AAGAB: variants seen among roughly 807,000 people sequenced by gnomAD.
AAGAB encodes alpha- and gamma-adaptin-binding protein p34.
In AAGAB, 38 loss-of-function variants were observed where a neutral mutation model predicts 44.1. The ratio of observed to expected loss-of-function variants is 0.86; its 90% CI spans 0.67 to 1.13. The LOEUF (loss-of-function observed/expected upper bound fraction) is 1.13, where lower values mean the gene tolerates loss of function less well. Among genes scored for constraint, AAGAB ranks in the 50% most tolerant of loss-of-function variants. The pLI is 0.00. For missense variants in AAGAB, 450 were observed against 373.8 expected, an observed-to-expected ratio of 1.20 and a Z score of -1.68; for synonymous variants, 131 against 131.8, an observed-to-expected ratio of 0.99 and a Z score of 0.04.
chr15:67,254,473 A>G, intron 1 of AAGAB, 86 bp downstream of exon 1: 4 of 1,487,684 alleles, frequency 2.7e-6, no homozygotes, highest in Non-Finnish European at 3.6e-6. Context: ...CTGCGGGGAC[A>G]AGGCCCAGAG....
intron 5 of AAGAB, among the ~76,000 whole-genome samples, chr15:67,225,784 A>G (rs557864878): frequency 2.6e-5 from 4 of 152,298 alleles, no homozygotes. Flanking sequence ...TTTTGTTTTC[A>G]GCAGTTTTTC....
chr15:67,229,033 T>G (rs1245723067), intron 5 of AAGAB, among the ~76,000 whole-genome samples: 4 of 152,200 alleles, frequency 2.6e-5, no homozygotes, highest in Non-Finnish European at 2.9e-5. Context: ...TCAGGTACTA[T>G]GCTCACTACC....
At chr15:67,208,910 T>A (rs920650456) in intron 6 of AAGAB, among the ~76,000 whole-genome samples, 1 of 152,258 alleles carries the variant, frequency 6.6e-6, no homozygotes, top group African/African-American at 2.4e-5. Context: ...GTTTTTTGTT[T>A]GTCTCATTTA....
At chr15:67,236,130 C>T (rs1964457961) in intron 3 of AAGAB, 62 bp from the exon 4 acceptor site, 2 of 1,251,276 alleles carry the variant, frequency 1.6e-6, no homozygotes, top group Non-Finnish European at 2.3e-6. Flanking sequence ...ACTATTCCTG[C>T]AATATTCTTC....
At chr15:67,248,257 C>CTTTAG (rs1191185475) in intron 1 of AAGAB, among the ~76,000 whole-genome samples, 2 of 152,108 alleles carry the variant, frequency 1.3e-5, no homozygotes, top group Admixed American at 1.3e-4. Context: ...CAATCAGTTC[C>CTTTAG]CTCACCCCAG....
chr15:67,255,056 ACTCC>A, upstream of AAGAB: 1 of 1,049,942 alleles, frequency 9.5e-7, no homozygotes, highest in Non-Finnish European at 1.5e-6. Context: ...CCGCCCCTAG[ACTCC>A]CTCCAACTCG....
At chr15:67,220,279 C>A (rs1235016343) in intron 5 of AAGAB, among the ~76,000 whole-genome samples, 1 of 152,198 alleles carries the variant, frequency 6.6e-6, no homozygotes, top group Non-Finnish European at 1.5e-5. Flanking sequence ...ATCTTACTCA[C>A]GTCAGAGAGC....
chr15:67,205,470 A>G (rs897157049), intron 7 of AAGAB, among the ~76,000 whole-genome samples: 3 of 152,230 alleles, frequency 2.0e-5, no homozygotes, highest in Non-Finnish European at 4.4e-5. Flanking sequence ...GATTTGGAAG[A>G]GTTTAAATGC....
At chr15:67,234,041 G>A (rs566078779) in intron 4 of AAGAB, among the ~76,000 whole-genome samples, 4 of 148,896 alleles carry the variant, frequency 2.7e-5, no homozygotes, top group East Asian at 2.0e-4. Context: ...AGGAGATTGA[G>A]ACCATCCTGG....
At chr15:67,216,079 T>C (rs995700102) in intron 5 of AAGAB, among the ~76,000 whole-genome samples, 2 of 152,104 alleles carry the variant, frequency 1.3e-5, no homozygotes, top group Non-Finnish European at 2.9e-5. Flanking sequence ...AATAATACTA[T>C]TTTTTCTCTT....
At position 67,242,348 on chromosome 15, in the gene AAGAB, G is replaced by A. The variant is rs373133502; in HGVS notation, c.74-5528C>T. Among the ~76,000 whole-genome samples, 15 of 115,358 alleles carry A rather than the reference G, an allele frequency of 1.3e-4. 4 individuals are homozygous for A. The East Asian group carries it at 3.1e-3, about 24-fold the overall frequency. The allele number at this position is 115,358 out of a possible 152,430, so 75.7% of individuals were successfully genotyped here. Reference sequence around the variant, plus strand: ...TGAGGCAGGAGAATGGCGTGAACCCGGGAAGTGGAGCTTGCAGTGAGCCGA... The same window carrying A: ...TGAGGCAGGAGAATGGCGTGAACCCAGGAAGTGGAGCTTGCAGTGAGCCGA... On this transcript the variant is annotated intron_variant, in intron 1 of 9. Transcript: ENST00000261880.
chr15:67,251,238 G>GTC (rs1964865245), intron 1 of AAGAB, among the ~76,000 whole-genome samples: 1 of 148,286 alleles, frequency 6.7e-6, no homozygotes, highest in African/African-American at 2.5e-5. Context: ...GTGTGTGTCT[G>GTC]TGTGTGTGTG....
intron 7 of AAGAB, among the ~76,000 whole-genome samples, chr15:67,205,760 A>C (rs2140342653): frequency 6.6e-6 from 1 of 152,330 alleles, no homozygotes; most frequent in South Asian, 2.1e-4. Context: ...AAAGACAGAC[A>C]TGAGTGAGGT....
At chr15:67,208,999 C>A (rs575538060) in intron 6 of AAGAB, among the ~76,000 whole-genome samples, 39 of 152,270 alleles carry the variant, frequency 2.6e-4, no homozygotes, top group African/African-American at 9.1e-4. Context: ...AAAAAGATCC[C>A]TGGAAAGACA....
At chr15:67,226,011 C>T (rs1286795356) in intron 5 of AAGAB, among the ~76,000 whole-genome samples, 1 of 152,228 alleles carries the variant, frequency 6.6e-6, no homozygotes, top group African/African-American at 2.4e-5. Flanking sequence ...TTTCTAATTT[C>T]TCCATATCCT....
At chr15:67,213,766 G>A (rs958533020) in intron 5 of AAGAB, among the ~76,000 whole-genome samples, 6 of 152,102 alleles carry the variant, frequency 3.9e-5, no homozygotes, top group South Asian at 4.1e-4. Context: ...ATTTTCCTAA[G>A]GGTTAGTAAT....
intron 1 of AAGAB, among the ~76,000 whole-genome samples, chr15:67,241,810 G>A (rs920590954): frequency 6.6e-6 from 1 of 152,154 alleles, no homozygotes; most frequent in African/African-American, 2.4e-5. Context: ...CTGACTAGAG[G>A]TAGGTTACAG....
chr15:67,208,457 T>C (rs1963733807), intron 7 of AAGAB, 105 bp downstream of exon 7: 4 of 940,902 alleles, frequency 4.3e-6, no homozygotes, highest in South Asian at 1.6e-5. Flanking sequence ...CCAATTTTTT[T>C]CCCTTCTCTG....
intron 1 of AAGAB, among the ~76,000 whole-genome samples, chr15:67,238,010 T>C (rs1004320931): frequency 6.6e-6 from 1 of 152,232 alleles, no homozygotes; most frequent in African/African-American, 2.4e-5. Context: ...AGTGTGTGTG[T>C]ATGAATATAT....
Sources: allele counts gnomAD v4.1 joint callset (sites outside exome capture counted in the v4.1 genomes callset), GRCh38; gene constraint gnomAD v4.1.1; transcripts MANE v1.5; gene names NCBI Gene and HGNC (gene_info 2026-07-23, HGNC 2026-07-21).